The following NAALADL2 variants were observed in gnomAD, a reference collection of about 807,000 sequenced individuals.
NAALADL2 encodes the protein N-acetylated alpha-linked acidic dipeptidase like 2.
In NAALADL2, 76 loss-of-function variants were observed where a neutral mutation model predicts 87.2. The observed-to-expected ratio is 0.87, with a 90% CI of 0.72 to 1.05. The LOEUF is 1.05. Ranked by LOEUF, NAALADL2 falls within the 50% of genes least tolerant of loss-of-function variation. The pLI is 0.00. For missense variants in NAALADL2, 1,089 were observed against 945.8 expected (o/e 1.15, Z -1.99); for synonymous variants, 354 against 331.0 (o/e 1.07, Z -0.75).
chr3:174,457,820 A>C (rs1429732557), intron 1 of NAALADL2, among the ~76,000 whole-genome samples: 2 of 109,392 alleles, frequency 1.8e-5, no homozygotes, highest in Admixed American at 1.2e-4. Flanking sequence ...CAAAAAAACA[A>C]AAAAAAAAAG....
intron 2 of NAALADL2, among the ~76,000 whole-genome samples, chr3:174,600,570 T>C (rs1578270384): frequency 6.6e-6 from 1 of 152,128 alleles, no homozygotes; most frequent in Admixed American, 6.6e-5. Flanking sequence ...GAGTACACGG[T>C]AAGTGCATTA....
chr3:175,495,093 T>TA (rs1491546516), intron 9 of NAALADL2, among the ~76,000 whole-genome samples: 15,679 of 115,956 alleles, frequency 0.14, 988 homozygotes, highest in African/African-American at 0.2. Flanking sequence ...TATATATATA[T>TA]TTTTTTTTAA....
At chr3:175,391,632 T>C (rs1381041777) in intron 5 of NAALADL2, among the ~76,000 whole-genome samples, 1 of 152,178 alleles carries the variant, frequency 6.6e-6, no homozygotes, top group Admixed American at 6.5e-5. Flanking sequence ...AGATCTCAGC[T>C]GAGGTAGAGG....
chr3:175,144,083 T>G (rs2108744136), intron 2 of NAALADL2, among the ~76,000 whole-genome samples: 1 of 152,100 alleles, frequency 6.6e-6, no homozygotes, highest in African/African-American at 2.4e-5. Context: ...AAAAATATTC[T>G]ATGTTGGGGC....
intron 1 of NAALADL2, among the ~76,000 whole-genome samples, chr3:174,537,963 C>T (rs1373226637): frequency 6.6e-6 from 1 of 152,086 alleles, no homozygotes; most frequent in African/African-American, 2.4e-5. Flanking sequence ...TGAGCAAGAA[C>T]CTGGTCTAAT....
rs559020488 is a variant in NAALADL2 at position 175,354,185 on chromosome 3, G to A, written c.1090+29860G>A. ...ATCAAACAAGAAGAGCAGTAGTAAT[G>A]TACCTTATCGATGACACCTTGATCA... On this transcript the variant is annotated intron_variant, in intron 5 of 13. Coordinates refer to ENST00000454872, the MANE Select transcript of NAALADL2 (RefSeq NM_207015.3). Among the ~76,000 whole-genome samples, 3 of 152,268 alleles carry A rather than the reference G, an allele frequency of 2.0e-5. No individual in the cohort carries two copies. The South Asian group carries it at 6.2e-4, about 32-fold the overall frequency.
At position 175,581,152 on chromosome 3, in the gene NAALADL2, G is replaced by T. The variant is rs376921966; in HGVS notation, c.1800+4965G>T. On this transcript the variant is annotated intron_variant, in intron 10 of 13. Transcript: ENST00000454872. ...AGTTTCAAAAATCTCTTTAAAAAAG[G>T]CTGAATAGGCCGGACGCGGTGGCTC... The T allele has an allele frequency of 7.1e-5, 28 of 392,562 alleles. No individual in the cohort carries two copies. In the East Asian group the frequency reaches 1.0e-3, roughly 14 times the overall value. The allele number at this position is 392,562 out of a possible 1,614,324, so 24.3% of individuals were successfully genotyped here.
intron 10 of NAALADL2, among the ~76,000 whole-genome samples, chr3:175,625,197 T>C (rs1305465870): frequency 6.6e-6 from 1 of 152,018 alleles, no homozygotes; most frequent in Non-Finnish European, 1.5e-5. Context: ...TGTTCCACAT[T>C]TGACCCTTGG....
At chr3:174,935,419 A>G (rs1431060331) in intron 1 of NAALADL2, among the ~76,000 whole-genome samples, 1 of 152,166 alleles carries the variant, frequency 6.6e-6, no homozygotes, top group Non-Finnish European at 1.5e-5. Flanking sequence ...AAAAAAACAA[A>G]ACAGACCTTA....
intron 5 of NAALADL2, among the ~76,000 whole-genome samples, chr3:175,406,742 GT>G (rs1712456670): frequency 6.6e-6 from 1 of 151,900 alleles, no homozygotes; most frequent in East Asian, 1.9e-4. Flanking sequence ...TATTTTTGAA[GT>G]TTATTTCCTA....
intron 1 of NAALADL2, among the ~76,000 whole-genome samples, chr3:174,902,681 C>A (rs1427999632): frequency 6.6e-6 from 1 of 152,028 alleles, no homozygotes; most frequent in Non-Finnish European, 1.5e-5. Flanking sequence ...TCTATTGAAA[C>A]TTGTTACTGA....
chr3:175,545,339 T>G (rs1713112772), intron 9 of NAALADL2, among the ~76,000 whole-genome samples: 1 of 152,206 alleles, frequency 6.6e-6, no homozygotes. Context: ...TATAACTATG[T>G]CTTTAAATAT....
intron 1 of NAALADL2, among the ~76,000 whole-genome samples, chr3:174,882,723 G>T (rs1729493265): frequency 6.9e-6 from 1 of 144,288 alleles, no homozygotes; most frequent in South Asian, 2.1e-4. Flanking sequence ...ACATATATGT[G>T]TATATGTGTA....
At chr3:174,612,796 A>T (rs1480544303) in intron 2 of NAALADL2, among the ~76,000 whole-genome samples, 2 of 152,106 alleles carry the variant, frequency 1.3e-5, no homozygotes, top group East Asian at 3.9e-4. Flanking sequence ...GATCCCTGGT[A>T]CCTTATGTAG....
chr3:174,618,275 G>A (rs1174268409), intron 2 of NAALADL2, among the ~76,000 whole-genome samples: 20 of 151,668 alleles, frequency 1.3e-4, no homozygotes, highest in Admixed American at 1.2e-3. Flanking sequence ...TTAGTAAGTT[G>A]CTATATTTCC....
Position 175,687,781 on chromosome 3 carries a change from T to G in NAALADL2, c.1897-49525T>G, listed in dbSNP as rs551449469. On this transcript the variant is annotated intron_variant, in intron 11 of 13. Transcript: ENST00000454872. ...GTCCTTGTGATAGTGAGTTCATTCTTTCTCTGAGTTCTCAGGAAATCTAGT... is the reference window on the plus strand; with the variant it reads ...GTCCTTGTGATAGTGAGTTCATTCTGTCTCTGAGTTCTCAGGAAATCTAGT... 1.2e-4 allele frequency among the ~76,000 whole-genome samples: 19 copies of G among 152,242 alleles called. No individual in the cohort carries two copies. The East Asian group carries it at 2.1e-3, about 17-fold the overall frequency.
At chr3:174,840,579 T>C (rs1363505133) in intron 3 of NAALADL2, among the ~76,000 whole-genome samples, 1 of 152,164 alleles carries the variant, frequency 6.6e-6, no homozygotes, top group Non-Finnish European at 1.5e-5. Flanking sequence ...TTTCTCAAAG[T>C]TGTTCACATG....
chr3:174,446,450 A>G (rs1401264007), intron 1 of NAALADL2, among the ~76,000 whole-genome samples: 1 of 152,172 alleles, frequency 6.6e-6, no homozygotes, highest in Non-Finnish European at 1.5e-5. Flanking sequence ...TAGCTATTAT[A>G]TTGGTCAAAC....
chr3:174,659,088 A>G (rs1239472474), intron 2 of NAALADL2, among the ~76,000 whole-genome samples: 4 of 152,142 alleles, frequency 2.6e-5, no homozygotes, highest in East Asian at 1.9e-4. Context: ...ACTAATGTTT[A>G]TATCCTTACT....
Sources: allele counts gnomAD v4.1 joint callset (sites outside exome capture counted in the v4.1 genomes callset), GRCh38; gene constraint gnomAD v4.1.1; transcripts MANE v1.5; gene names NCBI Gene and HGNC (gene_info 2026-07-23, HGNC 2026-07-21).